ARHGAP32: variants seen among roughly 807,000 people sequenced by gnomAD.
The protein encoded by ARHGAP32 is Rho GTPase activating protein 32.
Under a neutral mutation model 186.5 loss-of-function variants are expected in ARHGAP32, and 51 were observed. That is an observed-to-expected ratio of 0.27 (90% CI 0.22 to 0.35). The LOEUF (loss-of-function observed/expected upper bound fraction) is 0.35. Ranked by LOEUF, ARHGAP32 falls within the 10% of genes least tolerant of loss-of-function variation. ARHGAP32 has a pLI of 1.00. For missense variants in ARHGAP32, 2,186 were observed against 2,623.5 expected (o/e 0.83, Z 3.64); for synonymous variants, 950 against 964.3 (o/e 0.99, Z 0.27).
intron 5 of ARHGAP32, among the ~76,000 whole-genome samples, chr11:129,121,780 T>C (rs142088124): frequency 1.0e-3 from 159 of 152,134 alleles, no homozygotes; most frequent in Admixed American, 1.6e-3. Flanking sequence ...GGTCTGTTCA[T>C]TGGTAAAAGT....
intron 12 of ARHGAP32, among the ~76,000 whole-genome samples, chr11:128,994,601 G>A (rs369233765): frequency 6.6e-6 from 1 of 152,084 alleles, no homozygotes; most frequent in Non-Finnish European, 1.5e-5. Context: ...TTACAGGCAT[G>A]AGCCACCACA....
At chr11:129,155,449 T>G (rs1196142140) in intron 2 of ARHGAP32, among the ~76,000 whole-genome samples, 1 of 152,178 alleles carries the variant, frequency 6.6e-6, no homozygotes, top group African/African-American at 2.4e-5. Flanking sequence ...GCTAAAATAA[T>G]GGAATATACA....
At chr11:129,074,980 A>G (rs1159721912) in intron 6 of ARHGAP32, among the ~76,000 whole-genome samples, 1 of 152,188 alleles carries the variant, frequency 6.6e-6, no homozygotes, top group Non-Finnish European at 1.5e-5. Context: ...ACGCATACAC[A>G]TATCAAAATA....
intron 1 of ARHGAP32, among the ~76,000 whole-genome samples, chr11:129,173,014 C>A (rs1943802406): frequency 6.7e-6 from 1 of 148,968 alleles, no homozygotes; most frequent in Non-Finnish European, 1.5e-5. Context: ...TCAACAAATC[C>A]AGGGGCTGTT....
rs146124582 is a variant in ARHGAP32, at chr11:128,972,664, G to A, written c.3842C>T (p.Thr1281Ile). 6.2e-7 allele frequency: 1 copy of A among 1,614,054 alleles called. No homozygotes were observed. The highest frequency in any genetic ancestry group is 1.3e-5 in the African/African-American group (1 of 75,022). ...STATMTYMTT[T>I]PATAQMSTKE... is the part of the protein sequence containing the mutation. ...GGTGCTCATTTGGGCTGTTGCTGGA[G>A]TAGTTGTCATGTAAGTCATGGTGGC... The change falls in exon 22 of 23, where the codon ACT becomes ATT. Residue 1281 changes from threonine to isoleucine, a missense_variant. Thr to Ile is a moderately conservative substitution (Grantham distance 89, BLOSUM62 -1). This residue lies in a region of ARHGAP32 where 1,502 missense variants were observed against 1,570.0 expected (regional missense o/e 0.96). Coordinates refer to ENST00000682385, the MANE Select transcript of ARHGAP32 (RefSeq NM_001378024.1).
At chr11:128,987,959 G>A in intron 13 of ARHGAP32, 64 bp downstream of exon 13, 4 of 1,093,430 alleles carry the variant, frequency 3.7e-6, no homozygotes, top group Non-Finnish European at 5.5e-6. Context: ...AAGTGAATCT[G>A]TTTTAAAATA....
At chr11:129,045,179 T>A (rs1481907841) in intron 10 of ARHGAP32, among the ~76,000 whole-genome samples, 1 of 152,194 alleles carries the variant, frequency 6.6e-6, no homozygotes, top group Non-Finnish European at 1.5e-5. Flanking sequence ...ACTCCCTATA[T>A]TCAGGCAAAG....
upstream of ARHGAP32, among the ~76,000 whole-genome samples, chr11:129,195,435 G>A (rs1442843431): frequency 6.6e-6 from 1 of 152,178 alleles, no homozygotes; most frequent in East Asian, 1.9e-4. Flanking sequence ...ACAGTTAAAT[G>A]TGCACATCTT....
intron 1 of ARHGAP32, among the ~76,000 whole-genome samples, chr11:129,256,993 T>C (rs1046239552): frequency 6.6e-6 from 1 of 152,120 alleles, no homozygotes. Flanking sequence ...CTAAAAGGGC[T>C]TTCCCAAAAG....
At chr11:129,250,818 A>G (rs1265559185) in intron 1 of ARHGAP32, among the ~76,000 whole-genome samples, 1 of 152,212 alleles carries the variant, frequency 6.6e-6, no homozygotes, top group African/African-American at 2.4e-5. Context: ...CTATTATGAC[A>G]TTAAAAAGAA....
chr11:129,122,073 A>C (rs1440454936), intron 5 of ARHGAP32, among the ~76,000 whole-genome samples: 2 of 152,152 alleles, frequency 1.3e-5, no homozygotes, highest in Non-Finnish European at 1.5e-5. Context: ...ATTTCCTAAG[A>C]AGCAAAAAGA....
intron 21 of ARHGAP32, 107 bp from the exon 22 acceptor site, chr11:128,973,539 A>G (rs113379359): frequency 1.8e-5 from 22 of 1,204,576 alleles, no homozygotes; most frequent in Admixed American, 4.7e-5. Context: ...GGTGCCTTCC[A>G]TATTTCAAAA....
At chr11:129,128,327 G>GA (rs1205684910) in intron 2 of ARHGAP32, among the ~76,000 whole-genome samples, 1 of 152,116 alleles carries the variant, frequency 6.6e-6, no homozygotes, top group Non-Finnish European at 1.5e-5. Flanking sequence ...CCTTGAGCAT[G>GA]AAGCCAATGG....
intron 1 of ARHGAP32, among the ~76,000 whole-genome samples, chr11:129,221,901 T>C (rs974272423): frequency 2.0e-5 from 3 of 152,126 alleles, no homozygotes; most frequent in African/African-American, 7.2e-5. Flanking sequence ...ACCCACAGTA[T>C]GTTACTTGTG....
At chr11:129,144,007 T>C (rs955480948) in intron 2 of ARHGAP32, among the ~76,000 whole-genome samples, 1 of 152,182 alleles carries the variant, frequency 6.6e-6, no homozygotes, top group East Asian at 1.9e-4. Context: ...ATCAGAAAGA[T>C]AGATTTATTA....
At chr11:129,279,549 C>T (rs1945585218), upstream of ARHGAP32, among the ~76,000 whole-genome samples, 1 of 145,566 alleles carries the variant, frequency 6.9e-6, no homozygotes. Context: ...CGCGTGCCCC[C>T]GCCGGAGCCC....
intron 2 of ARHGAP32, among the ~76,000 whole-genome samples, chr11:129,154,553 A>G (rs867063767): frequency 6.6e-6 from 1 of 152,200 alleles, no homozygotes; most frequent in Non-Finnish European, 1.5e-5. Flanking sequence ...CTCAGCCACA[A>G]AAAGGAATGA....
chr11:129,155,965 G>T (rs1232663591), intron 2 of ARHGAP32, among the ~76,000 whole-genome samples: 1 of 152,236 alleles, frequency 6.6e-6, no homozygotes, highest in Non-Finnish European at 1.5e-5. Context: ...CCTGGGAAGG[G>T]CAAGGGGTCA....
At chr11:129,135,748 C>G (rs1340624989) in intron 2 of ARHGAP32, among the ~76,000 whole-genome samples, 2 of 151,240 alleles carry the variant, frequency 1.3e-5, no homozygotes, top group Non-Finnish European at 2.9e-5. Context: ...GCCTGGGCAA[C>G]AGAGCGAGAC....
Sources: allele counts gnomAD v4.1 joint callset (sites outside exome capture counted in the v4.1 genomes callset), GRCh38; gene constraint gnomAD v4.1.1; regional missense constraint gnomAD v4.1.1; transcripts MANE v1.5; gene names NCBI Gene and HGNC (gene_info 2026-07-23, HGNC 2026-07-21).